Variants in PARP8 observed in about 807,000 individuals in gnomAD.
PARP8 encodes the protein protein mono-ADP-ribosyltransferase PARP8.
Under a neutral mutation model 124.1 loss-of-function variants are expected in PARP8, and 51 were observed. The observed-to-expected ratio is 0.41, with a 90% CI of 0.33 to 0.52. The LOEUF is 0.52. Ranked by LOEUF, PARP8 falls within the 20% of genes least tolerant of loss-of-function variation. The pLI, the probability that PARP8 is intolerant of heterozygous loss-of-function variation, is 0.21. For missense variants in PARP8, 860 were observed against 1,018.9 expected (o/e 0.84, Z 2.12); for synonymous variants, 391 against 361.5 (o/e 1.08, Z -0.93).
rs1310115820 is a variant in PARP8, at chr5:50,832,836, A to G, written c.2289A>G (p.Lys763=). The change falls in exon 23 of 26, where the codon AAA becomes AAG. Residue 763 remains lysine (K), a synonymous_variant. Coordinates refer to ENST00000281631, the MANE Select transcript of PARP8 (RefSeq NM_024615.4). ...SAKDEPASSS[K]SSNTSQSQKK... ...AGGACGAGCCAGCTTCAAGCAGTAA[A>G]AGCAGCAATACATCACAGGTGTTGT... 1.9e-6 allele frequency: 3 copies of G among 1,613,338 alleles called. No homozygotes were observed. Among genetic ancestry groups the G allele is most frequent in the African/African-American group, 2.7e-5 (2 of 74,892 alleles).
intron 2 of PARP8, among the ~76,000 whole-genome samples, chr5:50,675,014 GA>G (rs1750452245): frequency 6.6e-6 from 1 of 152,210 alleles, no homozygotes; most frequent in Admixed American, 6.5e-5. Context: ...CAAAAGTCTT[GA>G]ATGTTATTTA....
At position 50,823,231 on chromosome 5, in the gene PARP8, C is replaced by A. The variant is rs114557753; in HGVS notation, c.1860+831C>A. ...TCCCAGGGCCCACTAAGCTGCTATGCAGCTTTCTCCCCGCCCCCCACCAAC... is the reference window on the plus strand; with the variant it reads ...TCCCAGGGCCCACTAAGCTGCTATGAAGCTTTCTCCCCGCCCCCCACCAAC... On this transcript the variant is annotated intron_variant, in intron 17 of 25. Coordinates refer to ENST00000281631, the MANE Select transcript of PARP8 (RefSeq NM_024615.4). Among the ~76,000 whole-genome samples the A allele has an allele frequency of 3.4e-3, 511 of 152,308 alleles. 5 individuals are homozygous for A. The highest frequency in any genetic ancestry group is 0.011 in the African/African-American group (476 of 41,556).
chr5:50,778,181 T>A lies in PARP8; in HGVS notation c.579+52T>A, dbSNP rs1740248797. On this transcript the variant is annotated intron_variant, in intron 8 of 25. Transcript: ENST00000281631. Reference sequence around the variant, plus strand: ...ATGGTGCATTTAAAATACATTTTATTTTATTTTTGGGGGAAATTTAATTTT... The same window carrying A: ...ATGGTGCATTTAAAATACATTTTATATTATTTTTGGGGGAAATTTAATTTT... 1.5e-6 allele frequency: 2 copies of A among 1,326,318 alleles called. 1 individual carries two copies. The highest frequency in any genetic ancestry group is 2.6e-5 in the South Asian group (2 of 75,528). 82.2% of individuals were successfully genotyped at this position (1,326,318 alleles called of 1,614,324 possible). A position where few individuals can be genotyped will look rare whatever the true frequency, so the allele number is the denominator to read the frequency against.
intron 7 of PARP8, among the ~76,000 whole-genome samples, chr5:50,769,733 G>T (rs1268490074): frequency 6.6e-6 from 1 of 151,532 alleles, no homozygotes; most frequent in Non-Finnish European, 1.5e-5. Flanking sequence ...AGAAGTGAAA[G>T]AACAGAACCA....
chr5:50,719,554 T>C (rs1253760426), intron 2 of PARP8, among the ~76,000 whole-genome samples: 4 of 152,040 alleles, frequency 2.6e-5, no homozygotes, highest in Admixed American at 6.6e-5. Context: ...AGATATCCAG[T>C]TTTCTCAGCA....
intron 2 of PARP8, among the ~76,000 whole-genome samples, chr5:50,685,403 C>T (rs1303819070): frequency 3.3e-5 from 5 of 152,146 alleles, no homozygotes; most frequent in African/African-American, 7.2e-5. Context: ...TTGTTTCCCA[C>T]GGGATTGCAA....
chr5:50,786,792 C>G (rs1409580840), intron 9 of PARP8, among the ~76,000 whole-genome samples: 1 of 152,150 alleles, frequency 6.6e-6, no homozygotes, highest in African/African-American at 2.4e-5. Context: ...TTTTCTCTCT[C>G]CTCCACCTAC....
chr5:50,739,445 C>A (rs1490690099), intron 2 of PARP8, among the ~76,000 whole-genome samples: 83 of 152,040 alleles, frequency 5.5e-4, no homozygotes, highest in Non-Finnish European at 1.0e-4. Context: ...CATCTCCTCT[C>A]GCTACATCAG....
chr5:50,713,867 G>A (rs1282291620), intron 2 of PARP8, among the ~76,000 whole-genome samples: 1 of 151,942 alleles, frequency 6.6e-6, no homozygotes, highest in Non-Finnish European at 1.5e-5. Flanking sequence ...AAGATGGAAG[G>A]AACCATGAGG....
intron 10 of PARP8, among the ~76,000 whole-genome samples, chr5:50,790,553 A>G (rs1677451200): frequency 1.3e-5 from 2 of 152,120 alleles, no homozygotes; most frequent in African/African-American, 2.4e-5. Flanking sequence ...GACACTTACA[A>G]ACTTTTATTT....
At chr5:50,828,258 T>C in intron 20 of PARP8, 54 bp from the exon 21 acceptor site, 10 of 1,531,126 alleles carry the variant, frequency 6.5e-6, no homozygotes, top group Non-Finnish European at 9.0e-6. Flanking sequence ...TTTGACCACT[T>C]TGAAGATAAT....
intron 14 of PARP8, among the ~76,000 whole-genome samples, chr5:50,799,215 C>A (rs1742914309): frequency 6.6e-6 from 1 of 152,190 alleles, no homozygotes; most frequent in Non-Finnish European, 1.5e-5. Flanking sequence ...ACATTTAAGT[C>A]ACAATACTTT....
chr5:50,817,147 A>G (rs1027264009), intron 15 of PARP8, among the ~76,000 whole-genome samples: 16 of 152,320 alleles, frequency 1.1e-4, no homozygotes, highest in Non-Finnish European at 2.4e-4. Flanking sequence ...TAGTATGCTA[A>G]CAGTATGGTA....
chr5:50,705,130 A>G (rs559581236), intron 2 of PARP8, among the ~76,000 whole-genome samples: 1 of 152,364 alleles, frequency 6.6e-6, no homozygotes, highest in African/African-American at 2.4e-5. Flanking sequence ...ATTACTTTCA[A>G]AAATAGTTTA....
chr5:50,751,576 T>G (rs766230922), intron 3 of PARP8, among the ~76,000 whole-genome samples: 1 of 152,130 alleles, frequency 6.6e-6, no homozygotes, highest in East Asian at 1.9e-4. Context: ...CAAAATACAC[T>G]GTCCAGTGCG....
chr5:50,676,499 C>T (rs546061502), intron 2 of PARP8, among the ~76,000 whole-genome samples: 2 of 152,226 alleles, frequency 1.3e-5, no homozygotes, highest in Admixed American at 6.5e-5. Context: ...AGAGCCCTCT[C>T]TGGTACCTGA....
At chr5:50,680,554 A>G (rs1251407647) in intron 2 of PARP8, among the ~76,000 whole-genome samples, 2 of 152,206 alleles carry the variant, frequency 1.3e-5, no homozygotes, top group African/African-American at 2.4e-5. Context: ...TTTAAAGGAA[A>G]TACCAATTAG....
At position 50,815,432 on chromosome 5, in the gene PARP8, C is replaced by A; in HGVS notation, c.1576C>A (p.Pro526Thr). The change falls in exon 15 of 26, where the codon CCT becomes ACT. Residue 526 changes from proline to threonine, a missense_variant and splice_region_variant. Around this residue, in one of 2 missense-constraint regions of PARP8, gnomAD observed 343 missense variants for 474.7 expected, o/e 0.72. Transcript: ENST00000281631. The stretch of plus-strand genomic sequence containing the variant: ...TGATTGATTCCTTTTTCTTTTGTAG[C>A]CTACCGTATGTGAACGGGAGCTGTG... ...HVFQNGPMLR[P>T]TVCERELCVF... is the part of the protein sequence containing the mutation. The A allele has an allele frequency of 6.4e-7, 1 of 1,561,238 alleles. No homozygotes were observed. Among genetic ancestry groups the A allele is most frequent in the Non-Finnish European group, 8.6e-7 (1 of 1,158,168 alleles).
intron 14 of PARP8, among the ~76,000 whole-genome samples, chr5:50,810,054 T>A (rs1744266392): frequency 6.6e-6 from 1 of 152,054 alleles, no homozygotes; most frequent in Admixed American, 6.6e-5. Flanking sequence ...TCAAATAACG[T>A]TAAAAATGTT....
Sources: allele counts gnomAD v4.1 joint callset (sites outside exome capture counted in the v4.1 genomes callset), GRCh38; gene constraint gnomAD v4.1.1; regional missense constraint gnomAD v4.1.1; transcripts MANE v1.5; gene names NCBI Gene and HGNC (gene_info 2026-07-23, HGNC 2026-07-21).